The following EML5 variants were observed in gnomAD, a reference collection of about 807,000 sequenced individuals.
The protein encoded by EML5 is EMAP like 5, also known as echinoderm microtubule-associated protein-like 5.
A neutral mutation model predicts 250.0 loss-of-function variants in EML5; 120 were observed. That is an observed-to-expected ratio of 0.48 (90% CI 0.41 to 0.56). The LOEUF (loss-of-function observed/expected upper bound fraction) is 0.56, where lower values mean the gene tolerates loss of function less well. EML5 is among the 20% of genes least tolerant of loss of function. The pLI, the probability that EML5 is intolerant of heterozygous loss-of-function variation, is 0.00. For synonymous variants in EML5, 771 were observed against 806.5 expected (o/e 0.96, Z 0.75); for missense variants, 2,006 against 2,437.6 (o/e 0.82, Z 3.73).
Position 88,627,773 on chromosome 14 carries a change from A to G in EML5, c.4404T>C (p.Thr1468=). The G allele has an allele frequency of 6.2e-7, 1 of 1,609,794 alleles. No individual in the cohort carries two copies. The highest frequency in any genetic ancestry group is 8.5e-7 in the Non-Finnish European group (1 of 1,178,052). Residue 1468 remains threonine, a synonymous_variant, in exon 34 of 44, where the codon ACT becomes ACC. Transcript: ENST00000554922. The part of the protein sequence containing the change: ...IHIWDAMNKQ[T]LSILRCYHSK... ...AATGGTAGCATCTTAGGATAGATAA[A>G]GTCTGCTTGTTCATTGCATCCCAGA...
At chr14:88,791,866 G>T (rs917350077) in intron 1 of EML5, among the ~76,000 whole-genome samples, 1 of 152,154 alleles carries the variant, frequency 6.6e-6, no homozygotes, top group South Asian at 2.1e-4. Flanking sequence ...CGCGCTCCCC[G>T]GGAGCAGCCC....
In EML5 at chr14:88,615,752, G is replaced by T. The variant is rs1279450375; in HGVS notation, c.*66C>A. 1 of 1,514,714 alleles carries T rather than the reference G, an allele frequency of 6.6e-7. No individual in the cohort carries two copies. The highest frequency in any genetic ancestry group is 9.0e-7 in the Non-Finnish European group (1 of 1,108,870). The allele number at this position is 1,514,714 out of a possible 1,614,324, so 93.8% of individuals were successfully genotyped here. On this transcript the variant is annotated 3_prime_UTR_variant, in exon 44 of 44. Transcript: ENST00000554922. ...AGCACCACTTGACCATGCAGGGTTG[G>T]GTTTTGGTTTTTCTTCTCTGTAATT...
chr14:88,761,099 G>T (rs1401334620), intron 1 of EML5, among the ~76,000 whole-genome samples: 12 of 152,128 alleles, frequency 7.9e-5, no homozygotes, highest in African/African-American at 2.9e-4. Context: ...AGGCAATCAT[G>T]TTGTCTAAGA....
chr14:88,711,924 CA>C (rs1454183177), intron 10 of EML5, among the ~76,000 whole-genome samples: 1 of 145,286 alleles, frequency 6.9e-6, no homozygotes, highest in East Asian at 2.0e-4. Context: ...GCCTGGGCAA[CA>C]GAGTGAGACC....
rs1341083249 is a variant in EML5, at chr14:88,613,690, T to C, written c.*2128A>G. 7 of 152,108 alleles carry C rather than the reference T, an allele frequency of 4.6e-5. No homozygotes were observed. In the East Asian group the frequency reaches 5.8e-4, roughly 13 times the overall value. 9.4% of individuals were successfully genotyped at this position (152,108 alleles called of 1,614,324 possible). On this transcript the variant is annotated 3_prime_UTR_variant, in exon 44 of 44. Coordinates refer to ENST00000554922, the MANE Select transcript of EML5 (RefSeq NM_183387.3). The stretch of plus-strand genomic sequence containing the variant: ...GGAAGGAAATGAGCATGGTTGGCGA[T>C]TGGAAGCAAGGGTACCAGAGGGCAC...
chr14:88,622,922 AATTTT>A (rs201284523), intron 36 of EML5: 6,884 of 414,528 alleles, frequency 0.017, 113 homozygotes, highest in Middle Eastern at 0.033. Flanking sequence ...AGTTTCAGTG[AATTTT>A]ATTTTGAGAA....
chr14:88,750,403 T>C (rs530711407), intron 2 of EML5, among the ~76,000 whole-genome samples: 43 of 152,248 alleles, frequency 2.8e-4, no homozygotes, highest in African/African-American at 1.0e-3. Flanking sequence ...TTATTGCTAT[T>C]AGTTTACTAT....
intron 7 of EML5, among the ~76,000 whole-genome samples, chr14:88,731,589 T>C (rs1209044949): frequency 1.3e-5 from 2 of 152,184 alleles, no homozygotes; most frequent in Admixed American, 6.5e-5. Flanking sequence ...TATCCAGTAA[T>C]GGGATGGCTG....
chr14:88,763,498 T>C (rs1405674472), intron 1 of EML5, among the ~76,000 whole-genome samples: 1 of 151,806 alleles, frequency 6.6e-6, no homozygotes, highest in Non-Finnish European at 1.5e-5. Context: ...AGTTCTGAAA[T>C]TGAGGCAGTA....
chr14:88,646,177 A>G (rs2091337808), intron 29 of EML5, among the ~76,000 whole-genome samples: 1 of 152,182 alleles, frequency 6.6e-6, no homozygotes, highest in Non-Finnish European at 1.5e-5. Context: ...ATAAAATTAA[A>G]GGCATAAAAT....
chr14:88,741,578 C>T (rs183682506), intron 4 of EML5, among the ~76,000 whole-genome samples: 24 of 152,066 alleles, frequency 1.6e-4, no homozygotes, highest in African/African-American at 4.6e-4. Flanking sequence ...CAGTGGCAAA[C>T]GCCTGTAGTC....
intron 1 of EML5, among the ~76,000 whole-genome samples, chr14:88,761,892 C>T (rs766523853): frequency 2.6e-5 from 4 of 152,126 alleles, no homozygotes; most frequent in African/African-American, 4.8e-5. Context: ...CATTCTAACT[C>T]GTATGAGATG....
chr14:88,675,156 C>G (rs1487030373), intron 21 of EML5, among the ~76,000 whole-genome samples: 3 of 152,202 alleles, frequency 2.0e-5, no homozygotes, highest in Non-Finnish European at 2.9e-5. Flanking sequence ...GATGGTTGCC[C>G]TCTTCTCATA....
At chr14:88,634,893 T>C (rs2140513654) in intron 32 of EML5, among the ~76,000 whole-genome samples, 1 of 152,344 alleles carries the variant, frequency 6.6e-6, no homozygotes, top group African/African-American at 2.4e-5. Context: ...GTTCTTTCTT[T>C]CAACTAAAGA....
chr14:88,692,942 T>G (rs2092993214), intron 17 of EML5, among the ~76,000 whole-genome samples: 1 of 152,190 alleles, frequency 6.6e-6, no homozygotes. Flanking sequence ...TATTTACATA[T>G]TTTCTCTGAA....
intron 6 of EML5, 56 bp from the exon 7 acceptor site, chr14:88,736,621 G>A (rs1402775176): frequency 8.4e-6 from 13 of 1,540,592 alleles, no homozygotes; most frequent in African/African-American, 1.4e-5. Context: ...ATAGCAGCAG[G>A]AGGCAGACAA....
At chr14:88,682,661 G>C (rs1037902747) in intron 20 of EML5, among the ~76,000 whole-genome samples, 2 of 152,142 alleles carry the variant, frequency 1.3e-5, no homozygotes, top group South Asian at 2.1e-4. Context: ...AGGTAGGGCA[G>C]GATGTCAGCA....
In EML5 at chr14:88,736,452, G is replaced by C; in HGVS notation, c.961C>G (p.Gln321Glu). Residue 321 changes from glutamine to glutamate, a missense_variant, in exon 7 of 44, where the codon CAA becomes GAA. Gln to Glu is a conservative substitution (Grantham distance 29). This residue lies in a region of EML5 where 1,375 missense variants were observed against 1,590.3 expected (regional missense o/e 0.86). Transcript: ENST00000554922. ...CAAAGTTCACCTTCACAATGCCCTT[G>C]CATAATTAGAAAAGGTTTATTTCTT... ...QERNKPFLIM[Q>E]GHCEGELWAL... 2 of 1,613,982 alleles carry C rather than the reference G, an allele frequency of 1.2e-6. No homozygotes were observed. Among genetic ancestry groups the C allele is most frequent in the Non-Finnish European group, 1.7e-6 (2 of 1,179,888 alleles).
At chr14:88,690,434 C>A (rs1020855478) in intron 17 of EML5, among the ~76,000 whole-genome samples, 1 of 152,156 alleles carries the variant, frequency 6.6e-6, no homozygotes, top group South Asian at 2.1e-4. Flanking sequence ...TAGAAGATGA[C>A]GAAAAGTGGT....
Sources: gnomAD v4.1 joint callset for allele counts (sites outside exome capture counted in the v4.1 genomes callset) on GRCh38, gnomAD v4.1.1 for gene constraint, gnomAD v4.1.1 regional missense constraint, MANE v1.5 for transcripts, NCBI Gene and HGNC (gene_info 2026-07-23, HGNC 2026-07-21) for gene names.